Variants in FBXO4 observed in about 807,000 individuals in gnomAD.
The protein encoded by FBXO4 is F-box only protein 4.
Under a neutral mutation model 43.7 loss-of-function variants are expected in FBXO4, and 36 were observed. The ratio of observed to expected loss-of-function variants is 0.82; its 90% confidence interval spans 0.63 to 1.09. The LOEUF (loss-of-function observed/expected upper bound fraction) is 1.09, where lower values mean the gene tolerates loss of function less well. Among genes scored for constraint, FBXO4 ranks in the 50% least tolerant of loss-of-function variants. The probability of loss-of-function intolerance (pLI) is 0.00; values close to 1 mark genes in which losing one functional copy is unlikely to be tolerated. For missense variants in FBXO4, 435 were observed against 474.1 expected (o/e 0.92, Z 0.77); for synonymous variants, 180 against 165.6 (o/e 1.09, Z -0.67).
chr5:41,954,757 G>A, the FBXO4 span, among the ~76,000 whole-genome samples: 22 of 152,280 alleles, frequency 1.4e-4, no homozygotes, highest in African/African-American at 5.3e-4. Flanking sequence ...TTTAGCTGAA[G>A]TGAAGGGGGT....
At chr5:41,981,414 C>A in the FBXO4 span, among the ~76,000 whole-genome samples, 8 of 150,442 alleles carry the variant, frequency 5.3e-5, no homozygotes, top group Non-Finnish European at 7.4e-5. Context: ...AAAAAAAAAA[C>A]CTTCCAACAG....
chr5:42,033,425 G>A, the FBXO4 span, among the ~76,000 whole-genome samples: 2,928 of 152,210 alleles, frequency 0.019, 43 homozygotes, highest in Non-Finnish European at 0.031. Context: ...AGTGCAGAAC[G>A]TGTAGGTTTG....
At chr5:41,966,698 C>G in the FBXO4 span, among the ~76,000 whole-genome samples, 1 of 152,098 alleles carries the variant, frequency 6.6e-6, no homozygotes, top group African/African-American at 2.4e-5. Context: ...TCAGTTACTA[C>G]CATTTTTTTC....
chr5:42,004,832 T>C, the FBXO4 span, among the ~76,000 whole-genome samples: 1,020 of 152,266 alleles, frequency 6.7e-3, 9 homozygotes, highest in African/African-American at 0.022. Context: ...TCAACTTACA[T>C]TCGACTCTAC....
intron 6 of FBXO4, 79 bp from the exon 7 acceptor site, chr5:41,941,113 T>A: frequency 9.5e-7 from 1 of 1,057,020 alleles, no homozygotes; most frequent in Non-Finnish European, 1.4e-6. Flanking sequence ...CTTTTTAGTG[T>A]CTAGAAAAAT....
the FBXO4 span, among the ~76,000 whole-genome samples, chr5:41,956,809 T>A: frequency 3.9e-3 from 586 of 151,582 alleles, 3 homozygotes; most frequent in African/African-American, 0.013. Context: ...ACCTCTCTGG[T>A]CCAAGTGATT....
At chr5:41,981,460 A>AT in the FBXO4 span, among the ~76,000 whole-genome samples, 6 of 151,178 alleles carry the variant, frequency 4.0e-5, no homozygotes, top group East Asian at 1.9e-4. Flanking sequence ...TTGGGTTTGG[A>AT]TTTTTTTCTT....
Position 41,929,709 on chromosome 5 carries a change from C to G in FBXO4, c.438C>G (p.Cys146Trp), listed in dbSNP as rs1262480922. The G allele has an allele frequency of 1.2e-6, 2 of 1,605,106 alleles. No individual in the cohort carries two copies. The highest frequency in any genetic ancestry group is 1.7e-6 in the Non-Finnish European group (2 of 1,176,638). Residue 146 changes from cysteine to tryptophan, a missense_variant, in exon 3 of 7, where the codon TGC becomes TGG. Cys to Trp is a radical substitution (Grantham distance 215). Transcript: ENST00000281623. The stretch of plus-strand genomic sequence containing the variant: ...CAATTTTTTACAGCTATAGAATGTG[C>G]TGTCCATACACAAGAAGAGCTTCAA... ...FFDYMAVYRM[C>W]CPYTRRASKS...
the FBXO4 span, among the ~76,000 whole-genome samples, chr5:41,964,308 AT>A: frequency 5.1e-4 from 78 of 151,478 alleles, no homozygotes; most frequent in African/African-American, 1.6e-3. Context: ...AAAGAGATTG[AT>A]TTTTTTTTAC....
the FBXO4 span, among the ~76,000 whole-genome samples, chr5:41,970,797 T>G: frequency 5.5e-3 from 833 of 152,024 alleles, 5 homozygotes; most frequent in Non-Finnish European, 9.9e-3. Flanking sequence ...ATTAAGCTTC[T>G]AACATAATAT....
the FBXO4 span, among the ~76,000 whole-genome samples, chr5:41,990,200 A>G: frequency 1.3e-5 from 2 of 152,214 alleles, no homozygotes; most frequent in Non-Finnish European, 2.9e-5. Context: ...TTGAGATCCT[A>G]TGTATCCCAT....
the FBXO4 span, among the ~76,000 whole-genome samples, chr5:42,037,339 G>C: frequency 1.3e-4 from 20 of 151,954 alleles, 1 homozygote; most frequent in Non-Finnish European, 2.5e-4. Context: ...CTTCTTTTTA[G>C]CCCTGATAGA....
chr5:41,969,673 TG>T, the FBXO4 span, among the ~76,000 whole-genome samples: 15 of 152,212 alleles, frequency 9.9e-5, no homozygotes, highest in East Asian at 2.7e-3. Flanking sequence ...TGTGTGTGGA[TG>T]TATTTAGGAT....
intron 2 of FBXO4, chr5:41,928,665 A>G (rs1223141250): frequency 6.6e-6 from 1 of 152,464 alleles, no homozygotes; most frequent in Non-Finnish European, 1.5e-5. Flanking sequence ...CTCAAATAAT[A>G]CAGATGAAGA....
At chr5:41,955,231 A>T in the FBXO4 span, among the ~76,000 whole-genome samples, 1 of 152,170 alleles carries the variant, frequency 6.6e-6, no homozygotes, top group East Asian at 1.9e-4. Context: ...TAAATTCAAT[A>T]TATCATATAG....
the FBXO4 span, among the ~76,000 whole-genome samples, chr5:42,021,689 A>C: frequency 6.6e-6 from 1 of 152,162 alleles, no homozygotes; most frequent in African/African-American, 2.4e-5. Context: ...GAGCAGAATT[A>C]GTTAAAAGTT....
chr5:42,027,436 T>C, the FBXO4 span, among the ~76,000 whole-genome samples: 1 of 151,954 alleles, frequency 6.6e-6, no homozygotes, highest in Non-Finnish European at 1.5e-5. Flanking sequence ...CTTCTCTTTT[T>C]TCTTCTTAGT....
chr5:42,018,253 G>A, the FBXO4 span, among the ~76,000 whole-genome samples: 1 of 151,418 alleles, frequency 6.6e-6, no homozygotes, highest in Non-Finnish European at 1.5e-5. Flanking sequence ...CAGAGCAAAT[G>A]TTTCAGATTA....
At chr5:41,986,587 A>T in the FBXO4 span, among the ~76,000 whole-genome samples, 1 of 152,214 alleles carries the variant, frequency 6.6e-6, no homozygotes. Flanking sequence ...TCTACTAAAC[A>T]CAGAGGGCAC....
Sources: gnomAD v4.1 joint callset for allele counts (sites outside exome capture counted in the v4.1 genomes callset) on GRCh38, gnomAD v4.1.1 for gene constraint, MANE v1.5 for transcripts, NCBI Gene and HGNC (gene_info 2026-07-23, HGNC 2026-07-21) for gene names.